TEC: variants seen among roughly 807,000 people sequenced by gnomAD.
TEC encodes tec protein tyrosine kinase.
A neutral mutation model predicts 93.0 loss-of-function variants in TEC; 72 were observed. The observed-to-expected ratio is 0.77, with a 90% CI of 0.64 to 0.94. TEC has a LOEUF of 0.94. Among genes scored for constraint, TEC ranks in the 40% least tolerant of loss-of-function variants. TEC has a pLI of 0.00. For synonymous variants in TEC, 249 were observed against 247.7 expected, an observed-to-expected ratio of 1.01 and a Z score of -0.05; for missense variants, 630 against 757.9, an observed-to-expected ratio of 0.83 and a Z score of 1.98.
rs371880388 is a variant in TEC at position 48,192,458 on chromosome 4, T to C, written c.139-16272A>G. ...GACGGTTTCATGGATGTATACCTAA[T>C]GTGAAAACTCATCAAATAATGCAAT... On this transcript the variant is annotated intron_variant, in intron 2 of 17. Transcript: ENST00000381501. 3.9e-5 allele frequency among the ~76,000 whole-genome samples: 6 copies of C among 152,304 alleles called. No individual in the cohort carries two copies. In the East Asian group the frequency reaches 9.6e-4, roughly 24 times the overall value.
At chr4:48,224,287 C>T (rs1475316337) in intron 2 of TEC, among the ~76,000 whole-genome samples, 1 of 152,220 alleles carries the variant, frequency 6.6e-6, no homozygotes, top group Admixed American at 6.5e-5. Flanking sequence ...GATTTCTTAG[C>T]TAATGATAGT....
intron 2 of TEC, among the ~76,000 whole-genome samples, chr4:48,215,029 T>C (rs1723026873): frequency 6.6e-6 from 1 of 152,054 alleles, no homozygotes; most frequent in Non-Finnish European, 1.5e-5. Flanking sequence ...GGATCATACC[T>C]GTAATCTCAG....
At chr4:48,186,419 TCTGC>T (rs1265274077) in intron 2 of TEC, among the ~76,000 whole-genome samples, 1 of 150,560 alleles carries the variant, frequency 6.6e-6, no homozygotes, top group Non-Finnish European at 1.5e-5. Context: ...GAGGAGTGTC[TCTGC>T]CTGGCCGCCC....
intron 3 of TEC, among the ~76,000 whole-genome samples, chr4:48,172,435 C>CTTT (rs71654897): frequency 6.8e-6 from 1 of 146,924 alleles, no homozygotes; most frequent in African/African-American, 2.5e-5. Context: ...AAGGAATGTA[C>CTTT]TTTTTTTTTT....
At position 48,145,064 on chromosome 4, in the gene TEC, G is replaced by C. The variant is rs769640760; in HGVS notation, c.1470+15C>G. ...AATTCAGCCAATGAGTGGGAATATG[G>C]GTGGCTAGGGTTACCAGATCTCTGT... On this transcript the variant is annotated intron_variant, in intron 14 of 17. Coordinates refer to ENST00000381501, the MANE Select transcript of TEC (RefSeq NM_003215.3). 9.9e-6 allele frequency: 16 copies of C among 1,611,728 alleles called. No individual in the cohort carries two copies. The highest frequency in any genetic ancestry group is 1.4e-5 in the Non-Finnish European group (16 of 1,178,082).
intron 14 of TEC, 186 bp from the exon 15 acceptor site, chr4:48,141,605 T>C (rs1044459680): frequency 3.8e-6 from 2 of 522,694 alleles, no homozygotes; most frequent in Non-Finnish European, 6.7e-6. Flanking sequence ...AAAAAATGAA[T>C]AGGCAGGTCA....
rs1004425540 is a variant in TEC, at chr4:48,136,552, A to G, written c.*864T>C. 6.6e-6 allele frequency: 1 copy of G among 152,202 alleles called. No homozygotes were observed. Among genetic ancestry groups the G allele is most frequent in the African/African-American group, 2.4e-5 (1 of 41,432 alleles). The allele number at this position is 152,202 out of a possible 1,614,324, so 9.4% of individuals were successfully genotyped here. On this transcript the variant is annotated 3_prime_UTR_variant, in exon 18 of 18. Transcript: ENST00000381501. ...CGGTTTAATTTTCCATCTGATTCTG[A>G]TTAGCTGCGGCCACCATGGGCAGGA... is the stretch of plus-strand genomic sequence containing the variant.
Position 48,137,211 on chromosome 4 carries a change from C to T in TEC, c.*205G>A, listed in dbSNP as rs1719461280. 1.1e-5 allele frequency: 6 copies of T among 557,186 alleles called. No individual in the cohort carries two copies. The highest frequency in any genetic ancestry group is 1.6e-5 in the Non-Finnish European group (5 of 315,098). 34.5% of individuals were successfully genotyped at this position (557,186 alleles called of 1,614,324 possible). A position where few individuals can be genotyped will look rare whatever the true frequency, so the allele number is the denominator to read the frequency against. On this transcript the variant is annotated 3_prime_UTR_variant, in exon 18 of 18. Coordinates refer to ENST00000381501, the MANE Select transcript of TEC (RefSeq NM_003215.3). ...AATAGAAATGAGTGATTTTAATCAC[C>T]ATTTCTAAGGCAACATTTCCACACT...
intron 15 of TEC, among the ~76,000 whole-genome samples, chr4:48,140,429 G>C (rs1719610958): frequency 6.6e-6 from 1 of 152,136 alleles, no homozygotes; most frequent in Admixed American, 6.5e-5. Flanking sequence ...AGGTCATCCT[G>C]AACATCAGAT....
intron 2 of TEC, among the ~76,000 whole-genome samples, chr4:48,227,597 C>T (rs1431151084): frequency 1.4e-5 from 2 of 147,302 alleles, no homozygotes; most frequent in African/African-American, 2.5e-5. Context: ...GAGCCGAGAT[C>T]GCATCACTGC....
intron 2 of TEC, among the ~76,000 whole-genome samples, chr4:48,192,735 A>C (rs1205415181): frequency 6.6e-6 from 1 of 152,252 alleles, no homozygotes. Context: ...GCTCTCATTT[A>C]AATGAAGGCT....
At chr4:48,214,246 C>T (rs199782177) in intron 2 of TEC, among the ~76,000 whole-genome samples, 1 of 109,684 alleles carries the variant, frequency 9.1e-6, no homozygotes, top group Admixed American at 8.4e-5. Context: ...ATACATTTAA[C>T]AGGAAATTAC....
intron 1 of TEC, among the ~76,000 whole-genome samples, chr4:48,250,614 G>T (rs1236204338): frequency 5.3e-5 from 8 of 152,104 alleles, no homozygotes; most frequent in African/African-American, 1.7e-4. Flanking sequence ...CCAGCCTGAG[G>T]GTAAGCCCAA....
intron 2 of TEC, among the ~76,000 whole-genome samples, chr4:48,198,328 G>A (rs1288567230): frequency 6.6e-6 from 1 of 152,214 alleles, no homozygotes; most frequent in East Asian, 1.9e-4. Flanking sequence ...TTCCCCATGT[G>A]AGGGAGTCCC....
At chr4:48,249,336 G>A (rs1430823597) in intron 1 of TEC, among the ~76,000 whole-genome samples, 1 of 152,182 alleles carries the variant, frequency 6.6e-6, no homozygotes, top group Non-Finnish European at 1.5e-5. Flanking sequence ...TACAGAAATA[G>A]GTAAATCAGG....
chr4:48,262,117 T>C (rs567284781), intron 1 of TEC, among the ~76,000 whole-genome samples: 2 of 152,086 alleles, frequency 1.3e-5, no homozygotes, highest in Admixed American at 6.6e-5. Context: ...AATCCATATA[T>C]AGACAAGTGA....
chr4:48,187,314 G>C (rs577210535), intron 2 of TEC, among the ~76,000 whole-genome samples: 1 of 151,912 alleles, frequency 6.6e-6, no homozygotes, highest in South Asian at 2.1e-4. Flanking sequence ...AGGGTCCTCT[G>C]TCTAGGAAAA....
At chr4:48,252,777 A>G (rs1724238066) in intron 1 of TEC, among the ~76,000 whole-genome samples, 1 of 152,334 alleles carries the variant, frequency 6.6e-6, no homozygotes, top group African/African-American at 2.4e-5. Flanking sequence ...GGATGATAAC[A>G]TGTGCTTATA....
At chr4:48,147,730 T>C (rs1290167820) in intron 11 of TEC, among the ~76,000 whole-genome samples, 1 of 152,156 alleles carries the variant, frequency 6.6e-6, no homozygotes, top group Admixed American at 6.6e-5. Context: ...TATTTAAGAG[T>C]TAAATGTAGA....
Sources: gnomAD v4.1 joint callset for allele counts (sites outside exome capture counted in the v4.1 genomes callset) on GRCh38, gnomAD v4.1.1 for gene constraint, MANE v1.5 for transcripts, NCBI Gene and HGNC (gene_info 2026-07-23, HGNC 2026-07-21) for gene names.